Variants in TMOD1 observed in about 807,000 individuals in gnomAD.
The protein encoded by TMOD1 is tropomodulin-1.
A neutral mutation model predicts 40.6 loss-of-function variants in TMOD1; 17 were observed. The observed-to-expected ratio is 0.42, with a 90% confidence interval of 0.29 to 0.63. TMOD1 has a LOEUF of 0.63. TMOD1 is among the 20% of genes least tolerant of loss of function. TMOD1 has a pLI of 0.22. For synonymous variants in TMOD1, 181 were observed against 175.0 expected (o/e 1.03, Z -0.27); for missense variants, 391 against 447.6 (o/e 0.87, Z 1.14).
chr9:97,533,747 C>T lies in TMOD1; in HGVS notation c.120+9439C>T, dbSNP rs188174370. On this transcript the variant is annotated intron_variant, in intron 2 of 9. Transcript: ENST00000259365. The stretch of plus-strand genomic sequence containing the variant: ...CCAAAACCAGAGAGCACCAGTGCCC[C>T]GTCTGTGGCCTCACAGCCCTGGGCT... Among the ~76,000 whole-genome samples the T allele has an allele frequency of 2.1e-3, 315 of 152,330 alleles. 3 individuals carry two copies. Among genetic ancestry groups the T allele is most frequent in the Non-Finnish European group, 3.7e-3 (252 of 68,032 alleles).
intron 3 of TMOD1, among the ~76,000 whole-genome samples, chr9:97,549,846 C>T (rs1228914914): frequency 6.6e-6 from 1 of 152,244 alleles, no homozygotes; most frequent in African/African-American, 2.4e-5. Flanking sequence ...CCTCCACCCG[C>T]CCTCCCTTCA....
intron 8 of TMOD1, among the ~76,000 whole-genome samples, chr9:97,582,476 G>A (rs1286799384): frequency 1.4e-5 from 2 of 145,926 alleles, no homozygotes; most frequent in African/African-American, 2.6e-5. Flanking sequence ...TTGACTTGGC[G>A]ATGCAGGCTC....
intron 4 of TMOD1, among the ~76,000 whole-genome samples, chr9:97,562,415 C>T (rs560536667): frequency 3.2e-4 from 49 of 152,164 alleles, no homozygotes; most frequent in African/African-American, 1.2e-3. Context: ...GGCAGGATGA[C>T]AAGATGGAAA....
At chr9:97,566,799 C>T in intron 7 of TMOD1, among the ~76,000 whole-genome samples, 1 of 152,192 alleles carries the variant, frequency 6.6e-6, no homozygotes, top group East Asian at 1.9e-4. Context: ...TGTACTTACT[C>T]TGAAGTAGCC....
chr9:97,581,944 G>T (rs889322276), intron 8 of TMOD1, among the ~76,000 whole-genome samples: 89 of 148,722 alleles, frequency 6.0e-4, no homozygotes, highest in Non-Finnish European at 1.1e-3. Context: ...CATTTTGTAG[G>T]TTGCCTGTTC....
intron 8 of TMOD1, among the ~76,000 whole-genome samples, chr9:97,585,150 T>C (rs1443825381): frequency 6.6e-6 from 1 of 152,250 alleles, no homozygotes; most frequent in Non-Finnish European, 1.5e-5. Flanking sequence ...TACCAGTTGT[T>C]CCTTTCCATG....
At chr9:97,560,300 G>A (rs1201669010) in intron 4 of TMOD1, among the ~76,000 whole-genome samples, 1 of 152,084 alleles carries the variant, frequency 6.6e-6, no homozygotes, top group Admixed American at 6.6e-5. Flanking sequence ...CATACACCAG[G>A]TGCTGTGGGA....
At chr9:97,591,266 A>AT in intron 8 of TMOD1, 25 bp from the exon 9 acceptor site, 2 of 1,579,306 alleles carry the variant, frequency 1.3e-6, no homozygotes, top group Admixed American at 1.8e-5. Context: ...TTTATTTTTT[A>AT]TTTTTTATTT....
intron 8 of TMOD1, among the ~76,000 whole-genome samples, chr9:97,571,314 A>G (rs1830814273): frequency 6.6e-6 from 1 of 152,202 alleles, no homozygotes; most frequent in Admixed American, 6.5e-5. Context: ...AGAGTCCAAG[A>G]TGGAGCCCAT....
rs1157647003 is a variant in TMOD1, at chr9:97,584,294, C to T, written c.871-6997C>T. On this transcript the variant is annotated intron_variant, in intron 8 of 9. Coordinates refer to ENST00000259365, the MANE Select transcript of TMOD1 (RefSeq NM_003275.4). ...ATTCAGGAGCAGGTTGTTCAGTTTC[C>T]ATGCAGTTGAGCAGTTTTGAGTGAG... Among the ~76,000 whole-genome samples the T allele has an allele frequency of 3.3e-5, 5 of 152,136 alleles. No individual in the cohort carries two copies. In the South Asian group the frequency reaches 6.2e-4, roughly 19 times the overall value.
At chr9:97,563,717 C>T (rs896637048) in intron 5 of TMOD1, among the ~76,000 whole-genome samples, 8 of 152,226 alleles carry the variant, frequency 5.3e-5, no homozygotes, top group African/African-American at 1.9e-4. Context: ...TCATCTTAGC[C>T]TCCCAAGAGT....
chr9:97,559,483 C>T (rs1766758345), intron 4 of TMOD1, among the ~76,000 whole-genome samples: 1 of 150,982 alleles, frequency 6.6e-6, no homozygotes, highest in African/African-American at 2.4e-5. Flanking sequence ...AAAAAAAAAT[C>T]GGCCGGGCGT....
intron 9 of TMOD1, among the ~76,000 whole-genome samples, chr9:97,596,874 C>A (rs1292745376): frequency 6.6e-6 from 1 of 152,222 alleles, no homozygotes; most frequent in Non-Finnish European, 1.5e-5. Flanking sequence ...ATTCTTTATG[C>A]CTCTCATACC....
intron 7 of TMOD1, 71 bp downstream of exon 7, chr9:97,566,026 C>T (rs748341568): frequency 7.3e-7 from 1 of 1,362,166 alleles, no homozygotes; most frequent in Non-Finnish European, 1.0e-6. Flanking sequence ...TATGTGGCCT[C>T]AGGACTGGTT....
chr9:97,535,752 A>G (rs1399729469), intron 2 of TMOD1, among the ~76,000 whole-genome samples: 2 of 152,240 alleles, frequency 1.3e-5, no homozygotes, highest in African/African-American at 2.4e-5. Context: ...GTACCACCAC[A>G]AGCAATTATT....
At chr9:97,518,107 C>T (rs1564229630) in intron 1 of TMOD1, among the ~76,000 whole-genome samples, 1 of 152,240 alleles carries the variant, frequency 6.6e-6, no homozygotes, top group Non-Finnish European at 1.5e-5. Context: ...TCTTCTCCTC[C>T]TGTCCCAGTT....
intron 8 of TMOD1, among the ~76,000 whole-genome samples, chr9:97,572,404 A>G (rs774743069): frequency 6.6e-5 from 10 of 152,142 alleles, no homozygotes; most frequent in Non-Finnish European, 1.5e-4. Context: ...AGGAGAGGGT[A>G]TCAGGGCCCA....
At chr9:97,545,734 T>C (rs3949766) in intron 2 of TMOD1, among the ~76,000 whole-genome samples, 122,555 of 152,078 alleles carry the variant, frequency 0.81, 50,133 homozygotes, top group African/African-American at 0.95. Context: ...AGCTTAACCC[T>C]CTTTTGGCTT....
intron 4 of TMOD1, among the ~76,000 whole-genome samples, chr9:97,562,035 A>C (rs1270775390): frequency 2.0e-5 from 3 of 152,192 alleles, no homozygotes; most frequent in African/African-American, 7.2e-5. Context: ...GCGGAGACCC[A>C]GTCTTTCTTA....
Sources: allele counts gnomAD v4.1 joint callset (sites outside exome capture counted in the v4.1 genomes callset), GRCh38; gene constraint gnomAD v4.1.1; transcripts MANE v1.5; gene names NCBI Gene and HGNC (gene_info 2026-07-23, HGNC 2026-07-21).